Variants in CLYBL observed in about 807,000 individuals in gnomAD.
CLYBL encodes the protein citramalyl-CoA lyase, mitochondrial.
In CLYBL, 31 loss-of-function variants were observed where a neutral mutation model predicts 38.9. That is an observed-to-expected ratio of 0.80 (90% CI 0.60 to 1.08). CLYBL has a LOEUF of 1.08. Among genes scored for constraint, CLYBL ranks in the 50% least tolerant of loss-of-function variants. The probability of loss-of-function intolerance (pLI) is 0.00; values close to 1 mark genes in which losing one functional copy is unlikely to be tolerated. For synonymous variants in CLYBL, 171 were observed against 158.6 expected, an observed-to-expected ratio of 1.08 and a Z score of -0.59; for missense variants, 434 against 411.6, an observed-to-expected ratio of 1.05 and a Z score of -0.47.
intron 1 of CLYBL, among the ~76,000 whole-genome samples, chr13:99,734,354 T>C (rs866203562): frequency 6.6e-6 from 1 of 151,866 alleles, no homozygotes; most frequent in East Asian, 1.9e-4. Context: ...CAAAAGAAAC[T>C]GATTGGCATC....
intron 7 of CLYBL, among the ~76,000 whole-genome samples, chr13:99,876,962 C>A (rs1455179594): frequency 6.6e-6 from 1 of 152,160 alleles, no homozygotes; most frequent in East Asian, 1.9e-4. Flanking sequence ...ACGTGCCGTT[C>A]CCCACACGCC....
chr13:99,800,803 G>A (rs1401494881), intron 2 of CLYBL, among the ~76,000 whole-genome samples: 2 of 151,854 alleles, frequency 1.3e-5, no homozygotes, highest in Admixed American at 6.6e-5. Flanking sequence ...GAGCCCAGGA[G>A]GCAGAGGTTG....
intron 2 of CLYBL, among the ~76,000 whole-genome samples, chr13:99,845,513 C>G (rs2051179636): frequency 6.6e-6 from 1 of 152,216 alleles, no homozygotes; most frequent in Non-Finnish European, 1.5e-5. Context: ...GAAGAGCTGG[C>G]AGGAGGAGAA....
chr13:99,895,458 C>T (rs922189292), downstream of CLYBL: 5 of 152,222 alleles, frequency 3.3e-5, no homozygotes, highest in South Asian at 2.1e-4. Context: ...CTTCCCAGCT[C>T]GTCTTCGCGG....
intron 2 of CLYBL, among the ~76,000 whole-genome samples, chr13:99,813,807 G>C (rs1260977894): frequency 6.6e-6 from 1 of 152,150 alleles, no homozygotes. Flanking sequence ...TAAACTAGAT[G>C]TTGGATACGT....
chr13:99,814,527 G>T (rs116464558), intron 2 of CLYBL, among the ~76,000 whole-genome samples: 1 of 152,110 alleles, frequency 6.6e-6, no homozygotes, highest in Admixed American at 6.5e-5. Flanking sequence ...GTTTGAGACC[G>T]GCCTGGGCAA....
intron 1 of CLYBL, among the ~76,000 whole-genome samples, chr13:99,760,987 A>G (rs760376255): frequency 6.6e-6 from 1 of 152,212 alleles, no homozygotes; most frequent in Non-Finnish European, 1.5e-5. Context: ...CCATATATTT[A>G]TACCCATAAT....
At chr13:99,759,706 AC>A (rs2049130138) in intron 1 of CLYBL, among the ~76,000 whole-genome samples, 2 of 152,166 alleles carry the variant, frequency 1.3e-5, no homozygotes, top group Non-Finnish European at 2.9e-5. Context: ...AGCTGTATCT[AC>A]CTACTACTTG....
chr13:99,724,561 A>G (rs953180102), intron 1 of CLYBL, among the ~76,000 whole-genome samples: 1 of 151,856 alleles, frequency 6.6e-6, no homozygotes, highest in Non-Finnish European at 1.5e-5. Flanking sequence ...ATGGATCCCA[A>G]GTTGGTCTTG....
chr13:99,705,614 C>T (rs930274500), intron 1 of CLYBL, among the ~76,000 whole-genome samples: 3 of 151,866 alleles, frequency 2.0e-5, no homozygotes, highest in East Asian at 1.9e-4. Context: ...TGCTATAACA[C>T]AGATGAACCT....
chr13:99,817,260 G>C (rs1159156439), intron 2 of CLYBL, among the ~76,000 whole-genome samples: 1 of 151,914 alleles, frequency 6.6e-6, no homozygotes, highest in Non-Finnish European at 1.5e-5. Context: ...ATGTGTGTAT[G>C]AGAGAGAGAG....
intron 1 of CLYBL, among the ~76,000 whole-genome samples, chr13:99,679,288 C>T (rs1426352880): frequency 2.2e-5 from 2 of 89,552 alleles, no homozygotes; most frequent in South Asian, 3.8e-4. Context: ...AGCGAGACTC[C>T]GACTCAAAAA....
intron 1 of CLYBL, among the ~76,000 whole-genome samples, chr13:99,764,560 G>C (rs1482106349): frequency 6.6e-6 from 1 of 151,938 alleles, no homozygotes; most frequent in Non-Finnish European, 1.5e-5. Flanking sequence ...ATGATTCTTT[G>C]TATTTCCGTG....
intron 2 of CLYBL, among the ~76,000 whole-genome samples, chr13:99,840,750 CAAAAAAAAA>C (rs59274056): frequency 1.8e-4 from 3 of 16,788 alleles, no homozygotes; most frequent in East Asian, 3.4e-3. Context: ...ACCCTTGTCT[CAAAAAAAAA>C]AAAAAAAAAA....
intron 1 of CLYBL, among the ~76,000 whole-genome samples, chr13:99,632,299 T>G (rs2046957273): frequency 6.6e-6 from 1 of 152,234 alleles, no homozygotes; most frequent in South Asian, 2.1e-4. Flanking sequence ...AGCAAAGATC[T>G]TGGCCACTGC....
At chr13:99,880,066 ATATT>A (rs1198981680) in intron 7 of CLYBL, among the ~76,000 whole-genome samples, 1 of 60,768 alleles carries the variant, frequency 1.6e-5, no homozygotes, top group African/African-American at 5.4e-5. Context: ...ATATATATAT[ATATT>A]TTTTTTTTTT....
intron 2 of CLYBL, among the ~76,000 whole-genome samples, chr13:99,819,467 T>TATATATATATATATAA (rs1566340310): frequency 3.6e-5 from 2 of 55,676 alleles, no homozygotes; most frequent in African/African-American, 1.7e-4. Context: ...TATATATATA[T>TATATATATATATATAA]AATATTTGTC....
At chr13:99,756,705 G>A (rs1398426109) in intron 1 of CLYBL, among the ~76,000 whole-genome samples, 1 of 152,068 alleles carries the variant, frequency 6.6e-6, no homozygotes, top group African/African-American at 2.4e-5. Context: ...AAGCCAAAAG[G>A]TTAGACAGTC....
intron 2 of CLYBL, among the ~76,000 whole-genome samples, chr13:99,855,734 C>A (rs2051444716): frequency 6.6e-6 from 1 of 151,966 alleles, no homozygotes; most frequent in Non-Finnish European, 1.5e-5. Context: ...CAACAGATGG[C>A]ATGGGCGTGT....
Sources: allele counts gnomAD v4.1 joint callset (sites outside exome capture counted in the v4.1 genomes callset), GRCh38; gene constraint gnomAD v4.1.1; transcripts MANE v1.5; gene names NCBI Gene and HGNC (gene_info 2026-07-23, HGNC 2026-07-21).